CCDC22: variants seen among roughly 807,000 people sequenced by gnomAD.
CCDC22 encodes CCC complex scaffolding subunit CCDC22, also known as coiled-coil domain-containing protein 22.
Under a neutral mutation model 53.1 loss-of-function variants are expected in CCDC22, and 4 were observed. That is an observed-to-expected ratio of 0.08 (90% CI 0.04 to 0.17). CCDC22 has a LOEUF of 0.17. Ranked by LOEUF, CCDC22 falls within the 10% of genes least tolerant of loss-of-function variation. The probability of loss-of-function intolerance (pLI) is 1.00; values close to 1 mark genes in which losing one functional copy is unlikely to be tolerated. For missense variants in CCDC22, 458 were observed against 554.0 expected, an observed-to-expected ratio of 0.83 and a Z score of 1.74; for synonymous variants, 222 against 224.4, an observed-to-expected ratio of 0.99 and a Z score of 0.10.
chrX:49,248,683 C>T lies in CCDC22; in HGVS notation c.1380C>T (p.Val460=), dbSNP rs1602675389. The T allele has an allele frequency of 1.7e-6, 2 of 1,210,716 alleles. No individual in the cohort carries two copies. The highest frequency in any genetic ancestry group is 3.5e-5 in the African/African-American group (2 of 57,573). ...AGATCCAAGAACTGCACCAGAGTGT[C>T]CGGGCGGCTGCTGAAGAGGCCCGCA... ...LAEIQELHQS[V]RAAAEEARRK... is the part of the protein sequence containing the mutation. Residue 460 remains valine, a synonymous_variant, in exon 12 of 17, where the codon GTC becomes GTT. Transcript: ENST00000376227.
At chrX:49,239,044 C>T (rs781882693) in intron 2 of CCDC22, among the ~76,000 whole-genome samples, 2 of 111,044 alleles carry the variant, frequency 1.8e-5, no homozygotes, top group Non-Finnish European at 1.9e-5. Flanking sequence ...GGCACAATCT[C>T]GGCTTACTGC....
In CCDC22 at chrX:49,248,440, C is replaced by T. The variant is rs1557114725; in HGVS notation, c.1246C>T (p.His416Tyr). Residue 416 changes from histidine (H) to tyrosine (Y), a missense_variant, in exon 11 of 17, where the codon CAC (histidine) becomes TAC (tyrosine). Physicochemically the swap from His to Tyr is moderately conservative, Grantham distance 83 (BLOSUM62 2). Transcript: ENST00000376227. ...GGAGAATAGTGCCCAGCGGGTCATCCACTTGGCGGGTCAGTGGGAGAAGCA... is the reference window on the plus strand; with the variant it reads ...GGAGAATAGTGCCCAGCGGGTCATCTACTTGGCGGGTCAGTGGGAGAAGCA... ...VVENSAQRVIHLAGQWEKHRV... is the reference protein window; with the variant it reads ...VVENSAQRVIYLAGQWEKHRV... The T allele has an allele frequency of 8.3e-7, 1 of 1,210,842 alleles. No homozygotes were observed.
chrX:49,235,761 A>G (rs1296338071), intron 1 of CCDC22, 75 bp downstream of exon 1: 2 of 923,479 alleles, frequency 2.2e-6, no homozygotes, highest in East Asian at 3.5e-5. Context: ...TTTCCCGGGA[A>G]CCTTAAAACC....
At chrX:49,242,284 G>A in intron 3 of CCDC22, 136 bp downstream of exon 3, 1 of 1,097,285 alleles carries the variant, frequency 9.1e-7, no homozygotes, top group Non-Finnish European at 1.2e-6. Flanking sequence ...AGGAGAGCTA[G>A]GCAGGAGGAT....
chrX:49,246,938 G>A lies in CCDC22; in HGVS notation c.909+13G>A. 1.7e-6 allele frequency: 2 copies of A among 1,170,999 alleles called. No individual in the cohort carries two copies. The highest frequency in any genetic ancestry group is 1.8e-5 in the African/African-American group (1 of 57,006). ...CACCTTCCATCTGGTGGGTGCGCCTGAGGACATGAGATGTGTGGATGGGCG... is the reference window on the plus strand; with the variant it reads ...CACCTTCCATCTGGTGGGTGCGCCTAAGGACATGAGATGTGTGGATGGGCG... On this transcript the variant is annotated intron_variant, in intron 7 of 16. Transcript: ENST00000376227.
At chrX:49,239,098 C>G (rs1306267554) in intron 2 of CCDC22, among the ~76,000 whole-genome samples, 2 of 111,242 alleles carry the variant, frequency 1.8e-5, no homozygotes, top group Non-Finnish European at 3.8e-5. Context: ...CCTGCCTCAG[C>G]CTGCCGAGTG....
At chrX:49,240,274 G>A (rs893449813) in intron 2 of CCDC22, among the ~76,000 whole-genome samples, 14 of 65,734 alleles carry the variant, frequency 2.1e-4, no homozygotes, top group Non-Finnish European at 1.6e-4. Context: ...AAAAAAAAAA[G>A]ACTGGGGACG....
At position 49,247,688 on chromosome X, in the gene CCDC22, C is replaced by T. The variant is rs782043902; in HGVS notation, c.1012C>T (p.Arg338Trp). 1.9e-5 allele frequency: 23 copies of T among 1,202,823 alleles called. 1 individual carries two copies. The highest frequency in any genetic ancestry group is 8.9e-5 in the Admixed American group (4 of 44,844). Residue 338 changes from arginine to tryptophan, a missense_variant, in exon 9 of 17, where the codon CGG (arginine) becomes TGG (tryptophan). Physicochemically the swap from Arg to Trp is moderately radical, Grantham distance 101. This residue lies in a region of CCDC22 where 309 missense variants were observed against 312.3 expected (regional missense o/e 0.99). Coordinates refer to ENST00000376227, the MANE Select transcript of CCDC22 (RefSeq NM_014008.5). ...TCAGGAACAGGAGCTCGAGTCCCTT[C>T]GGGAGCAGCTGGAAGGAGTGAACCG... ...AAQEQELESL[R>W]EQLEGVNRSI...
At chrX:49,235,825 T>TGACACA in intron 1 of CCDC22, 139 bp downstream of exon 1, 3 of 253,549 alleles carry the variant, frequency 1.2e-5, no homozygotes, top group African/African-American at 6.6e-5. Context: ...CCTCACCCCC[T>TGACACA]TACACACACA....
At chrX:49,246,521 T>A (rs781845471) in intron 6 of CCDC22, among the ~76,000 whole-genome samples, 1 of 111,671 alleles carries the variant, frequency 9.0e-6, no homozygotes, top group African/African-American at 3.3e-5. Context: ...TGGAGAGAAG[T>A]ATGTCTGTGA....
chrX:49,239,695 C>T (rs1170760057), intron 2 of CCDC22, among the ~76,000 whole-genome samples: 1 of 110,734 alleles, frequency 9.0e-6, no homozygotes, highest in Non-Finnish European at 1.9e-5. Context: ...CTCTCTGGGG[C>T]TCTTGGTGGC....
intron 2 of CCDC22, among the ~76,000 whole-genome samples, chrX:49,240,477 C>T (rs2065958466): frequency 9.0e-6 from 1 of 111,251 alleles, no homozygotes; most frequent in South Asian, 3.7e-4. Flanking sequence ...TCGCTTGAAC[C>T]CAGGAGGCGG....
chrX:49,239,776 G>A (rs2065954909), intron 2 of CCDC22, among the ~76,000 whole-genome samples: 1 of 110,542 alleles, frequency 9.0e-6, no homozygotes, highest in Admixed American at 9.7e-5. Context: ...TTAATAGGGG[G>A]GAAGTTATGT....
chrX:49,243,563 GT>G, intron 6 of CCDC22, 101 bp downstream of exon 6: 1 of 698,672 alleles, frequency 1.4e-6, no homozygotes, highest in Non-Finnish European at 2.0e-6. Flanking sequence ...CCCTTCCATT[GT>G]TTCCCCTCTG....
At chrX:49,248,170 G>T in intron 9 of CCDC22, 21 bp from the exon 10 acceptor site, 1 of 1,200,253 alleles carries the variant, frequency 8.3e-7, no homozygotes, top group Non-Finnish European at 1.1e-6. Context: ...TGTGGCATGT[G>T]ACTGGGTATC....
chrX:49,236,081 C>G (rs1328178983), intron 1 of CCDC22, among the ~76,000 whole-genome samples: 1 of 109,393 alleles, frequency 9.1e-6, no homozygotes, highest in Non-Finnish European at 1.9e-5. Flanking sequence ...CCCTAAGAAC[C>G]AGGGAGCGTA....
rs2065971550 is a variant in CCDC22 at position 49,242,986 on chromosome X, C to T, written c.462C>T (p.His154=). The T allele has an allele frequency of 2.6e-6, 3 of 1,143,878 alleles. No homozygotes were observed. Among genetic ancestry groups the T allele is most frequent in the African/African-American group, 1.8e-5 (1 of 55,091 alleles). 94.3% of individuals were successfully genotyped at this position (1,143,878 alleles called of 1,213,427 possible). ...PPHLRTPKLQ[H]LQGSALQKPF... ...ACCTTCGCACTCCCAAGCTGCAGCA[C>T]CTCCAGGTGAGACCCCTGACTCCCA... is the stretch of plus-strand genomic sequence containing the variant. Residue 154 remains histidine (H), a synonymous_variant, in exon 4 of 17, where the codon CAC becomes CAT. Coordinates refer to ENST00000376227, the MANE Select transcript of CCDC22 (RefSeq NM_014008.5).
chrX:49,248,249 G>A lies in CCDC22; in HGVS notation c.1151G>A (p.Arg384His), dbSNP rs782549631. 53 of 1,202,641 alleles carry A rather than the reference G, an allele frequency of 4.4e-5. No homozygotes were observed. The highest frequency in any genetic ancestry group is 7.1e-5 in the South Asian group (4 of 56,513). ...LSTAEREQAL[R>H]LKSRAVELLP... ...ACAGCAGAGCGTGAGCAGGCCCTGC[G>A]CCTGAAGAGCCGCGCGGTGGAGCTG... Residue 384 changes from arginine to histidine, a missense_variant, in exon 10 of 17, where the codon CGC becomes CAC. Arg to His is a conservative substitution (Grantham distance 29). Coordinates refer to ENST00000376227, the MANE Select transcript of CCDC22 (RefSeq NM_014008.5).
chrX:49,239,451 G>A (rs2147935545), intron 2 of CCDC22: 1 of 748,657 alleles, frequency 1.3e-6, no homozygotes, highest in Non-Finnish European at 1.6e-6. Flanking sequence ...TCTGGAACCT[G>A]TGAATACATA....
Sources: allele counts gnomAD v4.1 joint callset (sites outside exome capture counted in the v4.1 genomes callset), GRCh38; gene constraint gnomAD v4.1.1; regional missense constraint gnomAD v4.1.1; transcripts MANE v1.5; gene names NCBI Gene and HGNC (gene_info 2026-07-23, HGNC 2026-07-21).